Variants in PAK2 observed in about 807,000 individuals in gnomAD.
The protein encoded by PAK2 is serine/threonine-protein kinase PAK 2.
Under a neutral mutation model 65.9 loss-of-function variants are expected in PAK2, and 21 were observed. That is an observed-to-expected ratio of 0.32 (90% CI 0.23 to 0.46). The LOEUF is 0.46. PAK2 is among the 20% of genes least tolerant of loss of function. The pLI, the probability that PAK2 is intolerant of heterozygous loss-of-function variation, is 1.00. For synonymous variants in PAK2, 204 were observed against 219.7 expected (o/e 0.93, Z 0.63); for missense variants, 324 against 642.6 (o/e 0.50, Z 5.36).
At chr3:196,770,141 C>T (rs2108729214) in intron 1 of PAK2, among the ~76,000 whole-genome samples, 1 of 152,004 alleles carries the variant, frequency 6.6e-6, no homozygotes. Flanking sequence ...CCTGTAGTTC[C>T]AGCTACTTAG....
chr3:196,810,924 A>G (rs922699415), intron 8 of PAK2, among the ~76,000 whole-genome samples: 9 of 152,066 alleles, frequency 5.9e-5, no homozygotes, highest in Non-Finnish European at 1.2e-4. Flanking sequence ...CCCATAAAAT[A>G]TATTTAAAAG....
intron 1 of PAK2, among the ~76,000 whole-genome samples, chr3:196,777,216 A>G (rs1049767127): frequency 4.6e-5 from 7 of 151,796 alleles, no homozygotes; most frequent in African/African-American, 1.7e-4. Context: ...TTTGTTTTGT[A>G]TTTTTGAGGC....
chr3:196,768,457 C>G (rs1351714738), intron 1 of PAK2, among the ~76,000 whole-genome samples: 1 of 151,662 alleles, frequency 6.6e-6, no homozygotes, highest in African/African-American at 2.4e-5. Context: ...GGATGCTTAA[C>G]TCGTTAATTT....
chr3:196,825,291 T>A (rs1711812083), intron 13 of PAK2, among the ~76,000 whole-genome samples: 4 of 151,830 alleles, frequency 2.6e-5, no homozygotes, highest in East Asian at 3.9e-4. Context: ...GGTTGCCATG[T>A]GTTGAGATCA....
chr3:196,787,579 A>G (rs982544516), intron 2 of PAK2, among the ~76,000 whole-genome samples: 119 of 110,146 alleles, frequency 1.1e-3, no homozygotes, highest in Admixed American at 1.9e-3. Flanking sequence ...ACTCCGTCTC[A>G]GAAAAAAAAA....
In PAK2 at chr3:196,805,349, C is replaced by T; in HGVS notation, c.437-3C>T. ...CTAATGTTATGTTTTGTTTCATATT[C>T]AGAGAAAGATGGCTTTCCTTCTGGA... On this transcript the variant is annotated splice_region_variant and splice_polypyrimidine_tract_variant and intron_variant, in intron 4 of 14. Transcript: ENST00000327134. 7.1e-7 allele frequency: 1 copy of T among 1,417,442 alleles called. No homozygotes were observed. Among genetic ancestry groups the T allele is most frequent in the Non-Finnish European group, 9.6e-7 (1 of 1,039,342 alleles). 87.8% of individuals were successfully genotyped at this position (1,417,442 alleles called of 1,614,324 possible). A position where few individuals can be genotyped will look rare whatever the true frequency, so the allele number is the denominator to read the frequency against.
At chr3:196,800,637 A>T (rs1418527580) in intron 2 of PAK2, among the ~76,000 whole-genome samples, 1 of 152,216 alleles carries the variant, frequency 6.6e-6, no homozygotes, top group Non-Finnish European at 1.5e-5. Context: ...AGTGGCATAA[A>T]GGCAGACAAA....
rs921598933 is a variant in PAK2 at position 196,809,075 on chromosome 3, C to CAA, written c.709+1170_709+1171dup. Among the ~76,000 whole-genome samples the CAA allele has an allele frequency of 2.9e-5, 4 of 138,278 alleles. No homozygotes were observed. In the Admixed American group the frequency reaches 2.9e-4, roughly 10 times the overall value. The allele number at this position is 138,278 out of a possible 152,430, so 90.7% of individuals were successfully genotyped here. The stretch of plus-strand genomic sequence containing the variant: ...AACTTAGACCCCGACTCCACCCCCT[C>CAA]AAAAAAAAAAGAAAAAAAGAAAATT... On this transcript the variant is annotated intron_variant, in intron 7 of 14. Coordinates refer to ENST00000327134, the MANE Select transcript of PAK2 (RefSeq NM_002577.4).
At chr3:196,793,561 A>G (rs1366803528) in intron 2 of PAK2, among the ~76,000 whole-genome samples, 1 of 152,202 alleles carries the variant, frequency 6.6e-6, no homozygotes, top group Non-Finnish European at 1.5e-5. Context: ...AACCCTTTAT[A>G]AATGAGAGGG....
intron 7 of PAK2, among the ~76,000 whole-genome samples, chr3:196,809,846 T>A: frequency 6.6e-6 from 1 of 152,038 alleles, no homozygotes; most frequent in East Asian, 1.9e-4. Context: ...TATGGTCCTG[T>A]CCTTTTTTAC....
At chr3:196,752,577 G>C (rs555845704) in intron 1 of PAK2, among the ~76,000 whole-genome samples, 1 of 151,814 alleles carries the variant, frequency 6.6e-6, no homozygotes, top group Non-Finnish European at 1.5e-5. Flanking sequence ...TCTTCTTTTG[G>C]TAATTTTGTT....
intron 1 of PAK2, among the ~76,000 whole-genome samples, chr3:196,759,733 G>T (rs1004459642): frequency 1.3e-5 from 2 of 151,722 alleles, no homozygotes; most frequent in Admixed American, 1.3e-4. Flanking sequence ...CACCATACTG[G>T]CCAGGCTGGT....
intron 1 of PAK2, among the ~76,000 whole-genome samples, chr3:196,782,323 TTGTC>T (rs1018699933): frequency 9.2e-5 from 14 of 152,258 alleles, no homozygotes; most frequent in Admixed American, 5.9e-4. Flanking sequence ...AGATTTCATG[TTGTC>T]TGTCTTTCTA....
In PAK2 at chr3:196,803,003, T is replaced by C. The variant is rs774037198; in HGVS notation, c.289-14T>C. 14 of 1,525,922 alleles carry C rather than the reference T, an allele frequency of 9.2e-6. No homozygotes were observed. In the East Asian group the frequency reaches 2.9e-4, roughly 32 times the overall value. The allele number at this position is 1,525,922 out of a possible 1,614,324, so 94.5% of individuals were successfully genotyped here. A position where few individuals can be genotyped will look rare whatever the true frequency, so the allele number is the denominator to read the frequency against. ...ATTTAAACCATAACTAATTTCTGAATATCTTCTTGTTAGGGCATGCCAGAA... is the reference window on the plus strand; with the variant it reads ...ATTTAAACCATAACTAATTTCTGAACATCTTCTTGTTAGGGCATGCCAGAA... On this transcript the variant is annotated splice_polypyrimidine_tract_variant and intron_variant, in intron 3 of 14. Transcript: ENST00000327134.
intron 1 of PAK2, among the ~76,000 whole-genome samples, chr3:196,742,555 T>G (rs557035957): frequency 5.9e-5 from 9 of 152,224 alleles, no homozygotes; most frequent in Non-Finnish European, 1.3e-4. Context: ...CGATTATTAT[T>G]ATAATAATAT....
intron 1 of PAK2, among the ~76,000 whole-genome samples, chr3:196,781,964 A>G (rs1266472946): frequency 6.6e-6 from 1 of 152,110 alleles, no homozygotes; most frequent in Non-Finnish European, 1.5e-5. Flanking sequence ...AAATTAGCCG[A>G]AAGTGGTGGC....
chr3:196,806,905 C>G (rs1225512479), intron 6 of PAK2, among the ~76,000 whole-genome samples: 1 of 152,164 alleles, frequency 6.6e-6, no homozygotes, highest in African/African-American at 2.4e-5. Context: ...TTAACGCACT[C>G]ACCTCACTGG....
intron 2 of PAK2, among the ~76,000 whole-genome samples, chr3:196,787,346 C>T (rs528733441): frequency 9.9e-5 from 15 of 151,846 alleles, no homozygotes; most frequent in South Asian, 2.1e-4. Context: ...TTTGGGAGGC[C>T]GAGGCCGGCA....
chr3:196,765,349 C>T (rs1262816515), intron 1 of PAK2, among the ~76,000 whole-genome samples: 2 of 152,016 alleles, frequency 1.3e-5, no homozygotes, highest in Non-Finnish European at 2.9e-5. Flanking sequence ...GGGGTTTTGC[C>T]ATGTTGGCCA....
Sources: allele counts gnomAD v4.1 joint callset (sites outside exome capture counted in the v4.1 genomes callset), GRCh38; gene constraint gnomAD v4.1.1; transcripts MANE v1.5; gene names NCBI Gene and HGNC (gene_info 2026-07-23, HGNC 2026-07-21).